EEF2K: variants seen among roughly 807,000 people sequenced by gnomAD.
EEF2K encodes alternative protein EEF2K.
A neutral mutation model predicts 93.8 loss-of-function variants in EEF2K; 70 were observed. The ratio of observed to expected loss-of-function variants is 0.75; its 90% CI spans 0.62 to 0.91. EEF2K has a LOEUF of 0.91. Ranked by LOEUF, EEF2K falls within the 40% of genes least tolerant of loss-of-function variation. The probability of loss-of-function intolerance (pLI) is 0.00; values close to 1 mark genes in which losing one functional copy is unlikely to be tolerated. For synonymous variants in EEF2K, 376 were observed against 380.8 expected, an observed-to-expected ratio of 0.99 and a Z score of 0.15; for missense variants, 935 against 972.9, an observed-to-expected ratio of 0.96 and a Z score of 0.52.
At chr16:22,265,243 A>C (rs1009502797) in intron 13 of EEF2K, 1 of 191,760 alleles carries the variant, frequency 5.2e-6, no homozygotes. Context: ...TTTATGTATG[A>C]GAAAACTGGG....
intron 6 of EEF2K, 29 bp downstream of exon 6, chr16:22,251,351 C>T (rs1350961725): frequency 3.1e-6 from 5 of 1,611,474 alleles, no homozygotes; most frequent in South Asian, 1.1e-5. Flanking sequence ...TGCCCCCTTT[C>T]CATGCCAGGG....
chr16:22,262,250 G>A (rs62044788), intron 11 of EEF2K, among the ~76,000 whole-genome samples: 14,306 of 152,122 alleles, frequency 0.094, 722 homozygotes, highest in South Asian at 0.13. Flanking sequence ...GGTGGCTCAC[G>A]CCTGTAATCC....
At chr16:22,264,949 C>T in intron 13 of EEF2K, 69 bp downstream of exon 13, 2 of 1,568,534 alleles carry the variant, frequency 1.3e-6, no homozygotes, top group Non-Finnish European at 1.8e-6. Context: ...TGCTGTTTCT[C>T]CTGTCTCATA....
intron 1 of EEF2K, among the ~76,000 whole-genome samples, chr16:22,214,018 C>T (rs1216868074): frequency 6.6e-6 from 1 of 152,156 alleles, no homozygotes; most frequent in Non-Finnish European, 1.5e-5. Flanking sequence ...TTCTGCCTGC[C>T]GCAGACAGTC....
intron 1 of EEF2K, among the ~76,000 whole-genome samples, chr16:22,220,301 C>T (rs919433172): frequency 6.6e-6 from 1 of 152,196 alleles, no homozygotes; most frequent in Non-Finnish European, 1.5e-5. Flanking sequence ...TTCCCAGGGC[C>T]GAGGAGAACG....
rs532719906 is a variant in EEF2K at position 22,282,136 on chromosome 16, C to T, written c.2069-1751C>T. Among the ~76,000 whole-genome samples the T allele has an allele frequency of 2.0e-5, 3 of 152,216 alleles. No homozygotes were observed. The East Asian group carries it at 5.8e-4, about 29-fold the overall frequency. On this transcript the variant is annotated intron_variant, in intron 17 of 17. Transcript: ENST00000263026. Reference sequence around the variant, plus strand: ...TTAATTAACTGAGTGTGGTGGCACACTCAGTGAGCTATGATCATACCACCG... The same window carrying T: ...TTAATTAACTGAGTGTGGTGGCACATTCAGTGAGCTATGATCATACCACCG...
Position 22,258,667 on chromosome 16 carries a change from A to G in EEF2K, c.1203A>G (p.Thr401=), listed in dbSNP as rs754679239. The G allele has an allele frequency of 6.2e-7, 1 of 1,614,094 alleles. No individual in the cohort carries two copies. Among genetic ancestry groups the G allele is most frequent in the African/African-American group, 1.3e-5 (1 of 75,026 alleles). The change falls in exon 10 of 18, where the codon ACA becomes ACG. Residue 401 remains threonine, a synonymous_variant. Transcript: ENST00000263026. ...DSLPSSPSSA[T]PHSQKLDHLH... Reference sequence around the variant, plus strand: ...TCCCTTCTTCCCCATCTTCGGCCACACCACACAGCCAGAAGCTAGACCACC... The same window carrying G: ...TCCCTTCTTCCCCATCTTCGGCCACGCCACACAGCCAGAAGCTAGACCACC...
intron 2 of EEF2K, among the ~76,000 whole-genome samples, chr16:22,237,617 C>CA (rs111738704): frequency 0.12 from 16,782 of 144,972 alleles, 1,139 homozygotes; most frequent in East Asian, 0.31. Context: ...AACCCTGTCT[C>CA]AAAAAAAAAA....
In EEF2K at chr16:22,219,351, C is replaced by A. The variant is rs142953402; in HGVS notation, c.-76-6303C>A. ...TGTCATAAAGGTTGTGACCTTTAGG[C>A]CAGGTGCAGTGGCTCACGCCTGTCA... On this transcript the variant is annotated intron_variant, in intron 1 of 17. Coordinates refer to ENST00000263026, the MANE Select transcript of EEF2K (RefSeq NM_013302.5). 5.9e-3 allele frequency among the ~76,000 whole-genome samples: 893 copies of A among 152,334 alleles called. 10 individuals are homozygous for A. Among genetic ancestry groups the A allele is most frequent in the Non-Finnish European group, 7.7e-3 (523 of 68,028 alleles).
At chr16:22,275,432 TC>T (rs1439299790) in intron 16 of EEF2K, among the ~76,000 whole-genome samples, 4 of 152,112 alleles carry the variant, frequency 2.6e-5, no homozygotes, top group African/African-American at 9.7e-5. Flanking sequence ...AACCTCCACC[TC>T]CTGGGTTCAA....
chr16:22,256,616 A>G (rs1179290802), intron 6 of EEF2K, 132 bp from the exon 7 acceptor site: 4 of 1,021,388 alleles, frequency 3.9e-6, no homozygotes, highest in Non-Finnish European at 5.5e-6. Flanking sequence ...AGCTCCTACA[A>G]TAGAGAGCTA....
intron 1 of EEF2K, among the ~76,000 whole-genome samples, 196 bp from the exon 2 acceptor site, chr16:22,225,458 G>A (rs1267076948): frequency 2.0e-5 from 3 of 152,184 alleles, no homozygotes; most frequent in Non-Finnish European, 2.9e-5. Flanking sequence ...CTTAAAAGTG[G>A]AATGACGACT....
intron 2 of EEF2K, among the ~76,000 whole-genome samples, chr16:22,227,849 C>T (rs575926569): frequency 1.5e-4 from 23 of 151,798 alleles, no homozygotes; most frequent in South Asian, 4.2e-4. Context: ...GTAATCCCAG[C>T]GCTTTGGGAG....
At chr16:22,235,900 T>G (rs1034441925) in intron 2 of EEF2K, among the ~76,000 whole-genome samples, 2 of 152,088 alleles carry the variant, frequency 1.3e-5, no homozygotes, top group Non-Finnish European at 2.9e-5. Context: ...TGAGCTCAAG[T>G]GATCCTCCCA....
At chr16:22,252,349 C>T (rs1297764459) in intron 6 of EEF2K, among the ~76,000 whole-genome samples, 1 of 152,204 alleles carries the variant, frequency 6.6e-6, no homozygotes, top group Non-Finnish European at 1.5e-5. Flanking sequence ...GGGTTGGCGT[C>T]ATTCTCAGGC....
At position 22,284,110 on chromosome 16, in the gene EEF2K, T is replaced by C. The variant is rs139900821; in HGVS notation, c.*114T>C. On this transcript the variant is annotated 3_prime_UTR_variant, in exon 18 of 18. Transcript: ENST00000263026. The stretch of plus-strand genomic sequence containing the variant: ...AGGGGAAGCATTTTTAAGTGTGTTG[T>C]AAAATCAAATTTTATATTTCATTTT... 18 of 942,338 alleles carry C rather than the reference T, an allele frequency of 1.9e-5. No homozygotes were observed. The East Asian group carries it at 4.8e-4, about 25-fold the overall frequency. 58.4% of individuals were successfully genotyped at this position (942,338 alleles called of 1,614,324 possible). A position where few individuals can be genotyped will look rare whatever the true frequency, so the allele number is the denominator to read the frequency against.
chr16:22,255,650 C>G (rs866138364), intron 6 of EEF2K, among the ~76,000 whole-genome samples: 1 of 152,126 alleles, frequency 6.6e-6, no homozygotes, highest in Admixed American at 6.6e-5. Flanking sequence ...TCCTAATGCT[C>G]TGGGAGGATG....
chr16:22,234,447 C>T (rs1427935854), intron 2 of EEF2K, among the ~76,000 whole-genome samples: 2 of 151,928 alleles, frequency 1.3e-5, no homozygotes, highest in Non-Finnish European at 2.9e-5. Context: ...GTCCCAGCTA[C>T]TCAGGAGGCT....
rs1413880545 is a variant in EEF2K at position 22,266,502 on chromosome 16, T to C, written c.1553T>C (p.Ile518Thr). 1.2e-6 allele frequency: 2 copies of C among 1,614,090 alleles called. No homozygotes were observed. Among genetic ancestry groups the C allele is most frequent in the South Asian group, 2.2e-5 (2 of 91,084 alleles). ...RLNALDLEKK[I>T]GKSILGKVHL... ...AATGCTCTGGACCTCGAAAAGAAAATCGGGAAGTCCATTTTGGGGAAGGTA... is the reference window on the plus strand; with the variant it reads ...AATGCTCTGGACCTCGAAAAGAAAACCGGGAAGTCCATTTTGGGGAAGGTA... The change falls in exon 14 of 18, where the codon ATC becomes ACC. Residue 518 changes from isoleucine (I) to threonine (T), a missense_variant. Ile to Thr is a moderately conservative substitution (Grantham distance 89, BLOSUM62 -1). Coordinates refer to ENST00000263026, the MANE Select transcript of EEF2K (RefSeq NM_013302.5).
Sources: gnomAD v4.1 joint callset for allele counts (sites outside exome capture counted in the v4.1 genomes callset) on GRCh38, gnomAD v4.1.1 for gene constraint, MANE v1.5 for transcripts, NCBI Gene and HGNC (gene_info 2026-07-23, HGNC 2026-07-21) for gene names.